The following CPAP variants were observed in gnomAD, a reference collection of about 807,000 sequenced individuals.
CPAP encodes centrosomal P4.1-associated protein.
At chr13:24,906,982 T>G in the CPAP span, 1 of 1,607,932 alleles carries the variant, frequency 6.2e-7, no homozygotes, top group South Asian at 1.1e-5. Context: ...GAATAATATT[T>G]GAATTAATTT....
chr13:24,933,834 C>T, the CPAP span, among the ~76,000 whole-genome samples: 1 of 152,088 alleles, frequency 6.6e-6, no homozygotes, highest in African/African-American at 2.4e-5. Context: ...AAGCAATTCT[C>T]CTGCCTCAGC....
chr13:24,906,443 G>C, the CPAP span: 1 of 1,614,046 alleles, frequency 6.2e-7, no homozygotes. Flanking sequence ...CCGGCTGGCC[G>C]GCCCTGTTGA....
the CPAP span, among the ~76,000 whole-genome samples, chr13:24,928,274 G>A: frequency 6.6e-6 from 1 of 152,196 alleles, no homozygotes; most frequent in Non-Finnish European, 1.5e-5. Flanking sequence ...AAGCCCAGGT[G>A]ATCCGGGCTA....
chr13:24,905,471 C>T, the CPAP span: 1 of 1,614,196 alleles, frequency 6.2e-7, no homozygotes, highest in Non-Finnish European at 8.5e-7. Flanking sequence ...ACTTCTGCTC[C>T]TCCTGGACTT....
chr13:24,915,434 G>A, the CPAP span, among the ~76,000 whole-genome samples: 1 of 152,166 alleles, frequency 6.6e-6, no homozygotes. Flanking sequence ...GCATAAATTT[G>A]GACATCCTCA....
chr13:24,918,834 C>T, the CPAP span, among the ~76,000 whole-genome samples: 1 of 151,982 alleles, frequency 6.6e-6, no homozygotes, highest in African/African-American at 2.4e-5. Flanking sequence ...TTTGCTGTCT[C>T]GAGGGTGACA....
chr13:24,884,300 G>A, the CPAP span: 1 of 1,614,076 alleles, frequency 6.2e-7, no homozygotes, highest in Non-Finnish European at 8.5e-7. Context: ...AAACTATGGA[G>A]GAGAACACCT....
At chr13:24,922,557 AAGC>A in the CPAP span, among the ~76,000 whole-genome samples, 1 of 152,228 alleles carries the variant, frequency 6.6e-6, no homozygotes, top group Non-Finnish European at 1.5e-5. Context: ...GCGAAGAACA[AAGC>A]AGCGCGAATG....
chr13:24,926,260 T>C, the CPAP span, among the ~76,000 whole-genome samples: 1 of 152,172 alleles, frequency 6.6e-6, no homozygotes, highest in African/African-American at 2.4e-5. Flanking sequence ...GGTTTCATCA[T>C]GGGACAACAG....
At chr13:24,912,049 CTTCTGTTGT>C in the CPAP span, 4 of 1,613,748 alleles carry the variant, frequency 2.5e-6, no homozygotes, top group East Asian at 8.9e-5. Flanking sequence ...GTTCCTGCTT[CTTCTGTTGT>C]ACTTCTTTCA....
At chr13:24,923,085 C>G in the CPAP span, among the ~76,000 whole-genome samples, 1 of 152,240 alleles carries the variant, frequency 6.6e-6, no homozygotes, top group Non-Finnish European at 1.5e-5. Flanking sequence ...CGGGAGAGAC[C>G]TTCCGTGGTG....
the CPAP span, among the ~76,000 whole-genome samples, chr13:24,927,497 A>G: frequency 2.6e-5 from 4 of 152,186 alleles, no homozygotes; most frequent in Non-Finnish European, 5.9e-5. Flanking sequence ...GGCCCCTTCC[A>G]CAGGGGCTCC....
the CPAP span, among the ~76,000 whole-genome samples, chr13:24,890,987 A>G: frequency 1.3e-5 from 2 of 151,810 alleles, no homozygotes; most frequent in Non-Finnish European, 2.9e-5. Context: ...AAATTCCCCT[A>G]TGGCCACTAC....
chr13:24,922,107 T>C, the CPAP span, among the ~76,000 whole-genome samples: 131 of 152,332 alleles, frequency 8.6e-4, no homozygotes, highest in African/African-American at 3.0e-3. Context: ...TTTTATTGTA[T>C]AGCAATTATA....
the CPAP span, among the ~76,000 whole-genome samples, chr13:24,899,000 A>C: frequency 6.6e-6 from 1 of 152,244 alleles, no homozygotes; most frequent in Admixed American, 6.5e-5. Flanking sequence ...GAAATGAACA[A>C]GACTGATAAT....
the CPAP span, among the ~76,000 whole-genome samples, chr13:24,928,233 A>G: frequency 1.3e-5 from 2 of 152,204 alleles, no homozygotes; most frequent in Non-Finnish European, 2.9e-5. Context: ...TTGCTCAGCC[A>G]GAGTCTGCAG....
chr13:24,883,820 A>C, the CPAP span: 1 of 876,108 alleles, frequency 1.1e-6, no homozygotes, highest in Non-Finnish European at 1.9e-6. Context: ...GTTGACTGAC[A>C]TGCCTGTGGG....
chr13:24,884,283 G>A, the CPAP span: 1 of 1,614,132 alleles, frequency 6.2e-7, no homozygotes, highest in Non-Finnish European at 8.5e-7. Flanking sequence ...TTTCTCCAGA[G>A]ATGGTTAAAC....
At chr13:24,893,102 A>G in the CPAP span, among the ~76,000 whole-genome samples, 1 of 152,196 alleles carries the variant, frequency 6.6e-6, no homozygotes, top group East Asian at 1.9e-4. Context: ...AGGAAGGCAG[A>G]CAGCACATGG....
Sources: gnomAD v4.1 joint callset for allele counts (sites outside exome capture counted in the v4.1 genomes callset) on GRCh38, gnomAD v4.1.1 for gene constraint, MANE v1.5 for transcripts, NCBI Gene and HGNC (gene_info 2026-07-23, HGNC 2026-07-21) for gene names.